Variants in NRAS observed in about 807,000 individuals in gnomAD.
The protein encoded by NRAS is NRAS proto-oncogene, GTPase.
A neutral mutation model predicts 21.3 loss-of-function variants in NRAS; 6 were observed. The ratio of observed to expected loss-of-function variants is 0.28; its 90% CI spans 0.15 to 0.56. NRAS has a LOEUF of 0.56. Among genes scored for constraint, NRAS ranks in the 20% least tolerant of loss-of-function variants. The pLI is 0.93. For missense variants in NRAS, 143 were observed against 231.3 expected (o/e 0.62, Z 2.48); for synonymous variants, 84 against 82.0 (o/e 1.02, Z -0.13).
intron 3 of NRAS, among the ~76,000 whole-genome samples, chr1:114,712,435 T>C (rs1659069213): frequency 6.6e-6 from 1 of 152,210 alleles, no homozygotes. Context: ...TAAATACTCT[T>C]TGGTTTGAGC....
At chr1:114,716,314 C>T (rs1659165709) in intron 1 of NRAS, 137 bp from the exon 2 acceptor site, 1 of 699,218 alleles carries the variant, frequency 1.4e-6, no homozygotes. Flanking sequence ...CGCAAAAACA[C>T]CGGATTAATA....
Position 114,706,604 on chromosome 1 carries a change from C to T in NRAS, c.*1490G>A, listed in dbSNP as rs895180155. On this transcript the variant is annotated 3_prime_UTR_variant, in exon 7 of 7. Coordinates refer to ENST00000369535, the MANE Select transcript of NRAS (RefSeq NM_002524.5). ...AGAATATTGGCTTAATTTAGAGTTT[C>T]TACATGGCTAAAAGAAAAAAAAATG... is the stretch of plus-strand genomic sequence containing the variant. The T allele has an allele frequency of 2.0e-5, 3 of 152,126 alleles. No homozygotes were observed. Among genetic ancestry groups the T allele is most frequent in the African/African-American group, 7.2e-5 (3 of 41,422 alleles). The allele number at this position is 152,126 out of a possible 1,614,324, so 9.4% of individuals were successfully genotyped here. A position where few individuals can be genotyped will look rare whatever the true frequency, so the allele number is the denominator to read the frequency against.
At chr1:114,712,770 G>C (rs1408687167) in intron 3 of NRAS, among the ~76,000 whole-genome samples, 2 of 152,164 alleles carry the variant, frequency 1.3e-5, no homozygotes, top group African/African-American at 4.8e-5. Context: ...TATTAAAACT[G>C]TAATCTTCAC....
In NRAS at chr1:114,709,731, A is replaced by T. The variant is rs767679721; in HGVS notation, c.291-3T>A. The T allele has an allele frequency of 6.2e-7, 1 of 1,608,206 alleles. No individual in the cohort carries two copies. Among genetic ancestry groups the T allele is most frequent in the African/African-American group, 1.3e-5 (1 of 74,928 alleles). The stretch of plus-strand genomic sequence containing the variant: ...CTTTTACTCGCTTAATCTGCTCCCT[A>T]AAAACGGGAATATATTATCAGAACA... On this transcript the variant is annotated splice_region_variant and splice_polypyrimidine_tract_variant and intron_variant, in intron 3 of 6. Coordinates refer to ENST00000369535, the MANE Select transcript of NRAS (RefSeq NM_002524.5).
chr1:114,713,526 C>T (rs752823698), intron 3 of NRAS, among the ~76,000 whole-genome samples: 13 of 152,148 alleles, frequency 8.5e-5, no homozygotes, highest in Non-Finnish European at 5.9e-5. Context: ...GAAATTCCTT[C>T]GTGATCTCTA....
chr1:114,709,883 C>T (rs987234537), intron 3 of NRAS, among the ~76,000 whole-genome samples, 155 bp from the exon 4 acceptor site: 4 of 151,434 alleles, frequency 2.6e-5, no homozygotes, highest in African/African-American at 7.3e-5. Flanking sequence ...TGGCAAAACC[C>T]GGTCTCTACA....
chr1:114,708,591 T>C lies in NRAS; in HGVS notation c.514A>G (p.Asn172Asp), dbSNP rs111759092. 1 of 1,613,458 alleles carries C rather than the reference T, an allele frequency of 6.2e-7. No individual in the cohort carries two copies. Among genetic ancestry groups the C allele is most frequent in the Non-Finnish European group, 8.5e-7 (1 of 1,179,346 alleles). ...EIRQYRMKKL[N>D]SSDDGTQGCM... ...CCCTGAGTCCCATCATCACTGCTGTTGAGTTTTTTCATTCGGTACTGGCGT... is the reference window on the plus strand; with the variant it reads ...CCCTGAGTCCCATCATCACTGCTGTCGAGTTTTTTCATTCGGTACTGGCGT... The change falls in exon 5 of 7, where the codon AAC becomes GAC. Residue 172 changes from asparagine to aspartate, a missense_variant. Physicochemically the swap from Asn to Asp is conservative, Grantham distance 23. Coordinates refer to ENST00000369535, the MANE Select transcript of NRAS (RefSeq NM_002524.5).
intron 4 of NRAS, among the ~76,000 whole-genome samples, chr1:114,709,252 C>T (rs1286388152): frequency 6.6e-6 from 1 of 151,986 alleles, no homozygotes; most frequent in Non-Finnish European, 1.5e-5. Flanking sequence ...GCCTGGGCAA[C>T]ATGGTAAAAC....
chr1:114,715,837 A>G (rs1370032691), intron 2 of NRAS, among the ~76,000 whole-genome samples: 2 of 152,248 alleles, frequency 1.3e-5, no homozygotes, highest in Non-Finnish European at 1.5e-5. Context: ...TAGTTTACAG[A>G]ACTGTTAAAA....
Position 114,708,541 on chromosome 1 carries a change from C to A in NRAS, c.564G>T (p.Val188=). 6.2e-7 allele frequency: 1 copy of A among 1,613,932 alleles called. No homozygotes were observed. The highest frequency in any genetic ancestry group is 1.1e-5 in the South Asian group (1 of 91,080). The change falls in exon 5 of 7, where the codon GTG becomes GTT. Residue 188 remains valine, a synonymous_variant. Coordinates refer to ENST00000369535, the MANE Select transcript of NRAS (RefSeq NM_002524.5). ...TQGCMGLPCV[V]M Reference sequence around the variant, plus strand: ...AAACCATATGCTCACCTTGTTACATCACCACACATGGCAATCCCATACAAC... The same window carrying A: ...AAACCATATGCTCACCTTGTTACATAACCACACATGGCAATCCCATACAAC...
intron 2 of NRAS, among the ~76,000 whole-genome samples, chr1:114,714,568 C>T (rs979368396): frequency 1.3e-5 from 2 of 152,036 alleles, no homozygotes; most frequent in Non-Finnish European, 2.9e-5. Flanking sequence ...GACAAACATG[C>T]ATAGATCATA....
intron 3 of NRAS, among the ~76,000 whole-genome samples, chr1:114,711,615 A>C (rs575657340): frequency 6.9e-4 from 84 of 121,258 alleles, no homozygotes; most frequent in Non-Finnish European, 8.9e-4. Context: ...CAAAAAAAAA[A>C]AAACAAACAA....
rs918349172 is a variant in NRAS, at chr1:114,705,859, T to C, written c.*2235A>G. 1 of 152,218 alleles carries C rather than the reference T, an allele frequency of 6.6e-6. No homozygotes were observed. Among genetic ancestry groups the C allele is most frequent in the African/African-American group, 2.4e-5 (1 of 41,460 alleles). The allele number at this position is 152,218 out of a possible 1,614,324, so 9.4% of individuals were successfully genotyped here. A position where few individuals can be genotyped will look rare whatever the true frequency, so the allele number is the denominator to read the frequency against. On this transcript the variant is annotated 3_prime_UTR_variant, in exon 7 of 7. Transcript: ENST00000369535. ...GGCCCCATTTAGAAACTTCTGTGCT[T>C]AGAACATACTTGGAAAACTCTAAGT...
chr1:114,712,839 CCT>C (rs1313047469), intron 3 of NRAS, among the ~76,000 whole-genome samples: 4 of 152,152 alleles, frequency 2.6e-5, no homozygotes, highest in Non-Finnish European at 4.4e-5. Flanking sequence ...CCACATAGCC[CCT>C]GAGTCACGTC....
In NRAS at chr1:114,705,174, C is replaced by T. The variant is rs1658882373; in HGVS notation, c.*2920G>A. The T allele has an allele frequency of 6.6e-6, 1 of 152,092 alleles. No homozygotes were observed. Among genetic ancestry groups the T allele is most frequent in the Non-Finnish European group, 1.5e-5 (1 of 68,024 alleles). 9.4% of individuals were successfully genotyped at this position (152,092 alleles called of 1,614,324 possible). On this transcript the variant is annotated 3_prime_UTR_variant, in exon 7 of 7. Transcript: ENST00000369535. ...TAAAGTGTTTCTCTATCCTTGCTTT[C>T]AAGTCATGACAAAAAAATTCACAGC...
chr1:114,715,636 A>G (rs1207303502), intron 2 of NRAS, among the ~76,000 whole-genome samples: 1 of 152,150 alleles, frequency 6.6e-6, no homozygotes, highest in Non-Finnish European at 1.5e-5. Flanking sequence ...TGCTACTCCA[A>G]TCATCTGGTC....
chr1:114,713,759 CACAAAG>C (rs765325580), intron 3 of NRAS, 35 bp downstream of exon 3: 2 of 1,529,648 alleles, frequency 1.3e-6, no homozygotes, highest in East Asian at 4.5e-5. Context: ...AGATTCAGAA[CACAAAG>C]ATCATCCTTT....
chr1:114,705,849 C>A lies in NRAS; in HGVS notation c.*2245G>T, dbSNP rs1365682838. ...TCTGAATTTTGGCCCCATTTAGAAA[C>A]TTCTGTGCTTAGAACATACTTGGAA... On this transcript the variant is annotated 3_prime_UTR_variant, in exon 7 of 7. Transcript: ENST00000369535. The A allele has an allele frequency of 1.3e-5, 2 of 152,214 alleles. No individual in the cohort carries two copies. The highest frequency in any genetic ancestry group is 2.9e-5 in the Non-Finnish European group (2 of 68,036). 9.4% of individuals were successfully genotyped at this position (152,214 alleles called of 1,614,324 possible).
intron 3 of NRAS, among the ~76,000 whole-genome samples, chr1:114,711,443 C>CA (rs373859089): frequency 2.6e-5 from 4 of 150,950 alleles, no homozygotes; most frequent in African/African-American, 7.3e-5. Flanking sequence ...ACTAAAAATA[C>CA]AAAAAAAATT....
Sources: allele counts gnomAD v4.1 joint callset (sites outside exome capture counted in the v4.1 genomes callset), GRCh38; gene constraint gnomAD v4.1.1; transcripts MANE v1.5; gene names NCBI Gene and HGNC (gene_info 2026-07-23, HGNC 2026-07-21).